Variants in MACF1 observed in about 807,000 individuals in gnomAD.
MACF1 encodes microtubule actin crosslinking factor 1.
MACF1 carries 193 observed loss-of-function variants against 854.8 expected under a neutral mutation model. The observed-to-expected ratio is 0.23, with a 90% CI of 0.20 to 0.25. MACF1 has a LOEUF of 0.25. Ranked by LOEUF, MACF1 falls within the 10% of genes least tolerant of loss-of-function variation. The probability of loss-of-function intolerance (pLI) is 1.00; values close to 1 mark genes in which losing one functional copy is unlikely to be tolerated. For synonymous variants in MACF1, 3,185 were observed against 3,226.7 expected (o/e 0.99, Z 0.44); for missense variants, 7,722 against 8,929.1 (o/e 0.86, Z 5.45).
rs1433804046 is a variant in MACF1 at position 39,084,172 on chromosome 1, T to A, written c.-47T>A. On this transcript the variant is annotated 5_prime_UTR_variant, in exon 2 of 94. Transcript: ENST00000361689. The surrounding 1 kb of genome is among the most constrained non-coding windows in gnomAD (Gnocchi z 5.2). Reference sequence around the variant, plus strand: ...TTCACCCCTTTCTCCTTCAGATCACTTCTCCCTGGGCTCCCAGGCCCTCCT... The same window carrying A: ...TTCACCCCTTTCTCCTTCAGATCACATCTCCCTGGGCTCCCAGGCCCTCCT... The A allele has an allele frequency of 4.5e-6, 7 of 1,565,292 alleles. No individual in the cohort carries two copies. Among genetic ancestry groups the A allele is most frequent in the Non-Finnish European group, 6.1e-6 (7 of 1,143,286 alleles).
chr1:39,283,192 C>G lies in MACF1; in HGVS notation c.699C>G (p.Pro233=), dbSNP rs570324590. The G allele has an allele frequency of 6.2e-7, 1 of 1,606,450 alleles. No homozygotes were observed. The highest frequency in any genetic ancestry group is 8.5e-7 in the Non-Finnish European group (1 of 1,173,360). Residue 233 remains proline (P), a synonymous_variant, in exon 8 of 101, where the codon CCC becomes CCG. Transcript: ENST00000564288. This position sits in a 1 kb window ranked among gnomAD's most constrained non-coding sequence, Gnocchi z 4.5. ...MFNALIHRYR[P]DLVDMERVQI... The stretch of plus-strand genomic sequence containing the variant: ...GTGCCTTGCTGGACTTTTACAGACC[C>G]GATCTAGTAGACATGGAGAGGGTGC...
intron 58 of MACF1, among the ~76,000 whole-genome samples, chr1:39,392,536 A>T (rs184389194): frequency 6.6e-6 from 1 of 152,208 alleles, no homozygotes; most frequent in Non-Finnish European, 1.5e-5. Flanking sequence ...TAATGGAATC[A>T]TACTTTTAGC....
intron 2 of MACF1, among the ~76,000 whole-genome samples, chr1:39,168,981 C>T (rs527862933): frequency 9.2e-5 from 14 of 152,266 alleles, no homozygotes; most frequent in African/African-American, 3.1e-4. Flanking sequence ...TCCTAGTCCC[C>T]ATTTTTTGAC....
intron 2 of MACF1, among the ~76,000 whole-genome samples, chr1:39,198,514 G>A (rs367987102): frequency 2.0e-5 from 3 of 152,228 alleles, no homozygotes; most frequent in East Asian, 3.9e-4. Context: ...AGCCGGGTGT[G>A]GTGGTGTGTG....
At chr1:39,430,660 T>C in intron 65 of MACF1, 42 bp from the exon 66 acceptor site, 1 of 1,538,288 alleles carries the variant, frequency 6.5e-7, no homozygotes, top group South Asian at 1.1e-5. Context: ...TGATGTGCTT[T>C]ATTTAGCAAG....
Position 39,387,323 on chromosome 1 carries a change from G to A in MACF1, c.14481G>A (p.Glu4827=), listed in dbSNP as rs776303516. ...AKNCPISAKL[E]RLQSQLQENE... ...ACTGCCCAATTTCTGCAAAATTGGA[G>A]CGGCTACAGTCTCAGCTACAGGAGA... is the stretch of plus-strand genomic sequence containing the variant. The change falls in exon 58 of 101, where the codon GAG becomes GAA. Residue 4827 remains glutamate, a synonymous_variant. Coordinates refer to ENST00000564288, the MANE Select transcript of MACF1 (RefSeq NM_001394062.1). 1.2e-6 allele frequency: 2 copies of A among 1,614,224 alleles called. No individual in the cohort carries two copies. Among genetic ancestry groups the A allele is most frequent in the Non-Finnish European group, 1.7e-6 (2 of 1,180,040 alleles).
chr1:39,239,391 T>C (rs747589236), intron 2 of MACF1, among the ~76,000 whole-genome samples: 10 of 152,242 alleles, frequency 6.6e-5, no homozygotes, highest in Non-Finnish European at 1.5e-5. Context: ...GATAACCTTT[T>C]GGGAAACAGC....
intron 2 of MACF1, among the ~76,000 whole-genome samples, chr1:39,096,538 G>A (rs1047359906): frequency 4.7e-5 from 7 of 150,520 alleles, no homozygotes; most frequent in East Asian, 2.0e-4. Context: ...GTAGTGAGTC[G>A]AGACTGCGCC....
At chr1:39,302,353 T>C (rs1047302254) in intron 22 of MACF1, among the ~76,000 whole-genome samples, 1 of 152,104 alleles carries the variant, frequency 6.6e-6, no homozygotes, top group Non-Finnish European at 1.5e-5. Context: ...TCAAGAAATA[T>C]GTATTATACA....
chr1:39,106,271 C>T (rs1326672224), intron 2 of MACF1, among the ~76,000 whole-genome samples: 1 of 152,020 alleles, frequency 6.6e-6, no homozygotes, highest in African/African-American at 2.4e-5. Context: ...GAGACCTTAC[C>T]CCCTCCATCT....
At chr1:39,241,973 G>A (rs1041694864) in intron 2 of MACF1, among the ~76,000 whole-genome samples, 2 of 152,188 alleles carry the variant, frequency 1.3e-5, no homozygotes, top group African/African-American at 2.4e-5. Flanking sequence ...TTCCAAGCAC[G>A]TAAGTGTAAC....
At chr1:39,424,985 CA>C (rs1643677867) in intron 61 of MACF1, among the ~76,000 whole-genome samples, 1 of 152,128 alleles carries the variant, frequency 6.6e-6, no homozygotes. Flanking sequence ...ACCTGAGTTG[CA>C]AAGTATGGCT....
chr1:39,139,297 G>GT lies in MACF1; in HGVS notation c.220+54873dup, dbSNP rs777759471. Among the ~76,000 whole-genome samples, 1,182 of 134,860 alleles carry GT rather than the reference G, an allele frequency of 8.8e-3. 6 individuals carry two copies. The highest frequency in any genetic ancestry group is 0.014 in the East Asian group (64 of 4,670). 88.5% of individuals were successfully genotyped at this position (134,860 alleles called of 152,430 possible). ...CTTTTTTAAAATGTTATCTGCCACT[G>GT]TTTTTTTTTTTTTTCAGACAGTCTC... is the stretch of plus-strand genomic sequence containing the variant. On this transcript the variant is annotated intron_variant, in intron 2 of 93. Transcript: ENST00000361689.
At chr1:39,235,857 C>G (rs1644855187) in intron 2 of MACF1, among the ~76,000 whole-genome samples, 1 of 152,208 alleles carries the variant, frequency 6.6e-6, no homozygotes, top group South Asian at 2.1e-4. Flanking sequence ...ACCACAGCCT[C>G]CCAAATAGCT....
chr1:39,116,575 A>T (rs1642552551), intron 2 of MACF1, among the ~76,000 whole-genome samples: 1 of 152,144 alleles, frequency 6.6e-6, no homozygotes. Flanking sequence ...AAAATGTAGC[A>T]TCAGTTTGAT....
intron 2 of MACF1, among the ~76,000 whole-genome samples, chr1:39,170,841 T>C (rs1430447779): frequency 1.3e-5 from 2 of 152,200 alleles, no homozygotes; most frequent in Non-Finnish European, 2.9e-5. Context: ...AAAATGCTTC[T>C]AGGGCTCCAG....
chr1:39,443,645 T>C, intron 79 of MACF1, 71 bp downstream of exon 79: 1 of 1,435,298 alleles, frequency 7.0e-7, no homozygotes, highest in Non-Finnish European at 9.4e-7. Context: ...TTCACAGTCA[T>C]AATTAATATG....
chr1:39,369,667 G>C (rs1649062271), intron 50 of MACF1, among the ~76,000 whole-genome samples: 2 of 152,196 alleles, frequency 1.3e-5, no homozygotes, highest in African/African-American at 4.8e-5. Flanking sequence ...ATTGGTCCTT[G>C]AAAGAGTCAA....
At chr1:39,115,979 A>G (rs921636878) in intron 2 of MACF1, among the ~76,000 whole-genome samples, 7 of 152,326 alleles carry the variant, frequency 4.6e-5, no homozygotes, top group South Asian at 2.1e-4. Context: ...AAGTGAATGG[A>G]AAGTGCAGAA....
Sources: gnomAD v4.1 joint callset for allele counts (sites outside exome capture counted in the v4.1 genomes callset) on GRCh38, gnomAD v4.1.1 for gene constraint, Gnocchi (gnomAD v3.1) non-coding constraint, MANE v1.5 for transcripts, NCBI Gene and HGNC (gene_info 2026-07-23, HGNC 2026-07-21) for gene names.